ALPK1: variants seen among roughly 807,000 people sequenced by gnomAD.
ALPK1 encodes alpha kinase 1, also known as alpha-protein kinase 1.
ALPK1 carries 110 observed loss-of-function variants against 120.6 expected under a neutral mutation model. The observed-to-expected ratio is 0.91, with a 90% CI of 0.78 to 1.07. ALPK1 has a LOEUF of 1.07. Ranked by LOEUF, ALPK1 falls within the 50% of genes least tolerant of loss-of-function variation. The pLI, the probability that ALPK1 is intolerant of heterozygous loss-of-function variation, is 0.00. For synonymous variants in ALPK1, 582 were observed against 560.3 expected (o/e 1.04, Z -0.55); for missense variants, 1,498 against 1,483.9 (o/e 1.01, Z -0.16).
intron 5 of ALPK1, chr4:112,423,659 C>G (rs369932696): frequency 7.5e-6 from 4 of 535,026 alleles, no homozygotes; most frequent in East Asian, 4.4e-5. Flanking sequence ...AAGTTTGCCT[C>G]TACTCCTCAA....
intron 2 of ALPK1, among the ~76,000 whole-genome samples, chr4:112,328,478 C>T (rs766501115): frequency 1.4e-4 from 21 of 152,226 alleles, no homozygotes; most frequent in Non-Finnish European, 2.8e-4. Flanking sequence ...AATAGTTATA[C>T]TCTCCCTTGC....
rs750511677 is a variant in ALPK1, at chr4:112,388,235, A to AAAACATGAAT, written c.276+5697_276+5706dup. Among the ~76,000 whole-genome samples the AAAACATGAAT allele has an allele frequency of 6.7e-4, 102 of 152,234 alleles. 1 individual carries two copies. The highest frequency in any genetic ancestry group is 3.2e-3 in the Middle Eastern group (1 of 316). The stretch of plus-strand genomic sequence containing the variant: ...TTAAGATGTTAGAGGGGTGAGATTT[A>AAAACATGAAT]AAACATGAATAAACATGAATAAATA... On this transcript the variant is annotated intron_variant, in intron 4 of 15. Coordinates refer to ENST00000650871, the MANE Select transcript of ALPK1 (RefSeq NM_025144.4).
chr4:112,439,067 A>C (rs1224427265), intron 13 of ALPK1, among the ~76,000 whole-genome samples: 1 of 152,148 alleles, frequency 6.6e-6, no homozygotes, highest in Non-Finnish European at 1.5e-5. Context: ...CTTCACTAAC[A>C]TACCCCTTTC....
At chr4:112,382,616 G>T in intron 4 of ALPK1, 64 bp downstream of exon 4, 3 of 1,609,452 alleles carry the variant, frequency 1.9e-6, no homozygotes, top group Non-Finnish European at 2.6e-6. Context: ...ACTCTAAGTG[G>T]TCTAATAGAT....
rs745851030 is a variant in ALPK1 at position 112,357,712 on chromosome 4, C to T, written c.-100-19966C>T. 141 of 1,548,794 alleles carry T rather than the reference C, an allele frequency of 9.1e-5. 4 individuals carry two copies. In the Middle Eastern group the frequency reaches 6.6e-3, roughly 72 times the overall value. The stretch of plus-strand genomic sequence containing the variant: ...CCAGTTGAGCTCCGCGTTTGACAGA[C>T]GGTTTTCCAAGGAGTGCTTGTCCTC... On this transcript the variant is annotated intron_variant, in intron 2 of 15. Coordinates refer to ENST00000650871, the MANE Select transcript of ALPK1 (RefSeq NM_025144.4).
At chr4:112,356,713 G>A (rs2148714067) in intron 2 of ALPK1, 2 of 968,986 alleles carry the variant, frequency 2.1e-6, no homozygotes, top group South Asian at 1.3e-5. Flanking sequence ...TGGACATCGA[G>A]GACTTGGTCA....
chr4:112,432,330 C>T lies in ALPK1; in HGVS notation c.2783C>T (p.Ser928Leu), dbSNP rs1734603058. ...TGCAGCCAGAACTCCAGCTCATCCTCAGTGTGGTGGCTGAAATCACCTGCA... is the reference window on the plus strand; with the variant it reads ...TGCAGCCAGAACTCCAGCTCATCCTTAGTGTGGTGGCTGAAATCACCTGCA... ...LNCSQNSSSS[S>L]VWWLKSPAFS... The change falls in exon 11 of 16, where the codon TCA (serine) becomes TTA (leucine). Residue 928 changes from serine to leucine, a missense_variant. Ser to Leu is a moderately radical substitution (Grantham distance 145). Coordinates refer to ENST00000650871, the MANE Select transcript of ALPK1 (RefSeq NM_025144.4). The T allele has an allele frequency of 6.2e-7, 1 of 1,614,212 alleles. No individual in the cohort carries two copies. Among genetic ancestry groups the T allele is most frequent in the South Asian group, 1.1e-5 (1 of 91,072 alleles).
intron 9 of ALPK1, chr4:112,427,916 CA>C (rs138057180): frequency 0.03 from 9,674 of 317,762 alleles, 800 homozygotes; most frequent in African/African-American, 0.18. Flanking sequence ...GAATGAATAT[CA>C]ACAAAATGAT....
intron 4 of ALPK1, among the ~76,000 whole-genome samples, chr4:112,386,871 C>A (rs1360174260): frequency 2.0e-5 from 3 of 152,080 alleles, no homozygotes; most frequent in Non-Finnish European, 2.9e-5. Context: ...AATAAAATTT[C>A]AAGGGAAAGT....
intron 2 of ALPK1, chr4:112,316,146 C>A (rs186400389): frequency 6.6e-6 from 1 of 152,326 alleles, no homozygotes; most frequent in East Asian, 1.9e-4. Context: ...CCACAGAACT[C>A]TTTTTTATCT....
intron 1 of ALPK1, among the ~76,000 whole-genome samples, chr4:112,298,968 A>G (rs1484952810): frequency 6.6e-5 from 10 of 152,148 alleles, no homozygotes; most frequent in African/African-American, 1.4e-4. Context: ...TTTTGGCATA[A>G]GCTGTTCATT....
Position 112,439,725 on chromosome 4 carries a change from G to A in ALPK1, c.3391G>A (p.Glu1131Lys). 1 of 1,612,510 alleles carries A rather than the reference G, an allele frequency of 6.2e-7. No individual in the cohort carries two copies. Among genetic ancestry groups the A allele is most frequent in the Non-Finnish European group, 8.5e-7 (1 of 1,179,460 alleles). The change falls in exon 14 of 16, where the codon GAG becomes AAG. Residue 1131 changes from glutamate (E) to lysine (K), a missense_variant. Physicochemically the swap from Glu to Lys is moderately conservative, Grantham distance 56 (BLOSUM62 1). Transcript: ENST00000650871. ...DKTIKGCISVEPYILGEFVKL... is the reference protein window; with the variant it reads ...DKTIKGCISVKPYILGEFVKL... ...GACAATAAAGGGATGTATCAGTGTG[G>A]AGCCTTACATACTGGGAGAATTTGT...
chr4:112,317,979 C>T (rs1016734049), intron 2 of ALPK1, among the ~76,000 whole-genome samples: 7 of 152,014 alleles, frequency 4.6e-5, no homozygotes, highest in Admixed American at 1.3e-4. Context: ...AACCACAAGA[C>T]GTGTGTGTAC....
At chr4:112,358,792 C>G in intron 2 of ALPK1, 1 of 828,432 alleles carries the variant, frequency 1.2e-6, no homozygotes, top group Non-Finnish European at 2.2e-6. Flanking sequence ...TTCATGGTGG[C>G]CATGAAGTAG....
intron 2 of ALPK1, among the ~76,000 whole-genome samples, chr4:112,332,906 G>A (rs910803259): frequency 2.6e-5 from 4 of 152,108 alleles, no homozygotes; most frequent in African/African-American, 9.7e-5. Flanking sequence ...GTGAATTACT[G>A]CAGATCACTT....
chr4:112,329,819 G>A (rs1168115191), intron 2 of ALPK1, among the ~76,000 whole-genome samples: 4 of 152,196 alleles, frequency 2.6e-5, no homozygotes, highest in East Asian at 1.9e-4. Context: ...ACACACAAGG[G>A]TGGGAGGGGT....
chr4:112,304,967 T>C (rs1336027529), intron 1 of ALPK1, among the ~76,000 whole-genome samples: 1 of 152,126 alleles, frequency 6.6e-6, no homozygotes, highest in Non-Finnish European at 1.5e-5. Context: ...TTTCTACATA[T>C]GGCTAGCCAG....
chr4:112,333,482 G>A (rs1729473725), intron 2 of ALPK1, among the ~76,000 whole-genome samples: 1 of 152,128 alleles, frequency 6.6e-6, no homozygotes. Context: ...AAGTATCTGT[G>A]TATCTTCATC....
chr4:112,391,266 A>C (rs1367045900), intron 4 of ALPK1, among the ~76,000 whole-genome samples: 1 of 152,212 alleles, frequency 6.6e-6, no homozygotes, highest in Admixed American at 6.5e-5. Flanking sequence ...TGCCTTGTGA[A>C]CAAGGTAGGG....
Sources: gnomAD v4.1 joint callset for allele counts (sites outside exome capture counted in the v4.1 genomes callset) on GRCh38, gnomAD v4.1.1 for gene constraint, MANE v1.5 for transcripts, NCBI Gene and HGNC (gene_info 2026-07-23, HGNC 2026-07-21) for gene names.